The following TLN1 variants were observed in gnomAD, a reference collection of about 807,000 sequenced individuals.
TLN1 encodes talin-1.
A neutral mutation model predicts 292.3 loss-of-function variants in TLN1; 56 were observed. That is an observed-to-expected ratio of 0.19 (90% confidence interval 0.15 to 0.24). The LOEUF (loss-of-function observed/expected upper bound fraction) is 0.24. Ranked by LOEUF, TLN1 falls within the 10% of genes least tolerant of loss-of-function variation. The probability of loss-of-function intolerance (pLI) is 1.00; values close to 1 mark genes in which losing one functional copy is unlikely to be tolerated. For missense variants in TLN1, 2,433 were observed against 3,248.2 expected (o/e 0.75, Z 6.10); for synonymous variants, 1,119 against 1,253.7 (o/e 0.89, Z 2.27).
intron 10 of TLN1, among the ~76,000 whole-genome samples, chr9:35,721,302 C>G (rs1825874934): frequency 6.6e-6 from 1 of 152,174 alleles, no homozygotes; most frequent in South Asian, 2.1e-4. Context: ...AAGTTGATAT[C>G]AGTTTTCAAT....
rs1825796550 is a variant in TLN1 at position 35,717,004 on chromosome 9, G to A, written c.2458+142C>T. 3 of 870,690 alleles carry A rather than the reference G, an allele frequency of 3.4e-6. No homozygotes were observed. The highest frequency in any genetic ancestry group is 1.7e-5 in the African/African-American group (1 of 59,250). 53.9% of individuals were successfully genotyped at this position (870,690 alleles called of 1,614,324 possible). A position where few individuals can be genotyped will look rare whatever the true frequency, so the allele number is the denominator to read the frequency against. Reference sequence around the variant, plus strand: ...AGAGGGTTCAGAGAGCTTTAATGATGAGCCTATGGTTGTGTGGCTGGCAAG... The same window carrying A: ...AGAGGGTTCAGAGAGCTTTAATGATAAGCCTATGGTTGTGTGGCTGGCAAG... On this transcript the variant is annotated intron_variant, in intron 19 of 56. Coordinates refer to ENST00000314888, the MANE Select transcript of TLN1 (RefSeq NM_006289.4). This position sits in a 1 kb window ranked among gnomAD's most constrained non-coding sequence, Gnocchi z 4.7.
chr9:35,702,771 G>A (rs960762212), intron 48 of TLN1, among the ~76,000 whole-genome samples: 8 of 151,794 alleles, frequency 5.3e-5, no homozygotes, highest in Non-Finnish European at 1.0e-4. Flanking sequence ...GATTACACCC[G>A]CTGGCCTCCC....
chr9:35,727,147 C>G (rs573190379), intron 1 of TLN1, among the ~76,000 whole-genome samples: 1 of 152,290 alleles, frequency 6.6e-6, no homozygotes, highest in African/African-American at 2.4e-5. Flanking sequence ...TGATGTGCCC[C>G]TGCTTGGTAC....
chr9:35,721,023 C>T (rs1305820565), intron 10 of TLN1, 110 bp from the exon 11 acceptor site: 13 of 747,752 alleles, frequency 1.7e-5, no homozygotes, highest in Admixed American at 7.4e-5. Context: ...CCCGTGGCAA[C>T]GGCCCTCTTG....
rs1825708270 is a variant in TLN1 at position 35,713,191 on chromosome 9, C to T, written c.3352+5G>A. On this transcript the variant is annotated splice_donor_5th_base_variant and intron_variant, in intron 26 of 56. Coordinates refer to ENST00000314888, the MANE Select transcript of TLN1 (RefSeq NM_006289.4). ...TGCCCCATGCCTGGCTCTCTGCCCA[C>T]ATACCTGCATAATTCTCATTGCCCT... The T allele has an allele frequency of 6.3e-7, 1 of 1,590,694 alleles. No homozygotes were observed. Among genetic ancestry groups the T allele is most frequent in the South Asian group, 1.1e-5 (1 of 90,326 alleles).
intron 33 of TLN1, among the ~76,000 whole-genome samples, chr9:35,709,432 G>A (rs941304115): frequency 3.9e-5 from 6 of 152,230 alleles, no homozygotes; most frequent in Non-Finnish European, 7.3e-5. Flanking sequence ...AGGGAAAATA[G>A]TCTGAAGTGA....
rs775393589 is a variant in TLN1 at position 35,698,660 on chromosome 9, T to C, written c.7145A>G (p.Asn2382Ser). 5.0e-6 allele frequency: 8 copies of C among 1,614,088 alleles called. No individual in the cohort carries two copies. The highest frequency in any genetic ancestry group is 6.8e-6 in the Non-Finnish European group (8 of 1,180,028). Residue 2382 changes from asparagine (N) to serine (S), a missense_variant, in exon 54 of 57, where the codon AAT (asparagine) becomes AGT (serine). Asn to Ser is a conservative substitution (Grantham distance 46). This residue lies in a region of TLN1 where 141 missense variants were observed against 248.5 expected (regional missense o/e 0.57). Coordinates refer to ENST00000314888, the MANE Select transcript of TLN1 (RefSeq NM_006289.4). The surrounding 1 kb of genome is among the most constrained non-coding windows in gnomAD (Gnocchi z 5.3). ...AQGKVGAIPA[N>S]ALDDGQWSQG... ...GGACCACTGCCCATCGTCCAGTGCA[T>C]TGGCTGGAATGGCACCCACCTGTAG... is the stretch of plus-strand genomic sequence containing the variant.
At position 35,711,336 on chromosome 9, in the gene TLN1, C is replaced by G. The variant is rs750156961; in HGVS notation, c.3938G>C (p.Ser1313Thr). ...GGCCTTGGCAGCCAGAAGAAGTTTG[C>G]TTGAAGACATGGAGATGCCCTTCAA... ...SNLKGISMSS[S>T]KLLLAAKALS... Residue 1313 changes from serine (S) to threonine (T), a missense_variant, in exon 30 of 57, where the codon AGC (serine) becomes ACC (threonine). Around this residue, in one of 7 missense-constraint regions of TLN1, gnomAD observed 1,384 missense variants for 1,699.6 expected, o/e 0.81. Transcript: ENST00000314888. 6.2e-7 allele frequency: 1 copy of G among 1,614,154 alleles called. No individual in the cohort carries two copies. The highest frequency in any genetic ancestry group is 1.1e-5 in the South Asian group (1 of 91,084).
In TLN1 at chr9:35,704,688, G is replaced by A. The variant is rs878966751; in HGVS notation, c.5861C>T (p.Ala1954Val). Residue 1954 changes from alanine (A) to valine (V), a missense_variant, in exon 44 of 57, where the codon GCC (alanine) becomes GTC (valine). Around this residue, in one of 7 missense-constraint regions of TLN1, gnomAD observed 1,384 missense variants for 1,699.6 expected, o/e 0.81. Transcript: ENST00000314888. This position sits in a 1 kb window ranked among gnomAD's most constrained non-coding sequence, Gnocchi z 6.9. ...AYTKKELIEC[A>V]RRVSEKVSHV... Reference sequence around the variant, plus strand: ...CGTCACCTTCTCAGAGACTCTCCGGGCACACTCTATGAGCTCCTTCTTGGT... The same window carrying A: ...CGTCACCTTCTCAGAGACTCTCCGGACACACTCTATGAGCTCCTTCTTGGT... 6.8e-6 allele frequency: 11 copies of A among 1,613,968 alleles called. No individual in the cohort carries two copies. The highest frequency in any genetic ancestry group is 4.0e-5 in the African/African-American group (3 of 74,896).
At chr9:35,729,115 C>T (rs992571541) in intron 1 of TLN1, among the ~76,000 whole-genome samples, 1 of 152,196 alleles carries the variant, frequency 6.6e-6, no homozygotes, top group Non-Finnish European at 1.5e-5. Flanking sequence ...TTAATCCTTA[C>T]AGTAGGTGTC....
rs144019521 is a variant in TLN1 at position 35,707,387 on chromosome 9, G to A, written c.4734C>T (p.Asn1578=). 102 of 1,614,070 alleles carry A rather than the reference G, an allele frequency of 6.3e-5. No individual in the cohort carries two copies. Among genetic ancestry groups the A allele is most frequent in the Non-Finnish European group, 8.2e-5 (97 of 1,180,046 alleles). The change falls in exon 36 of 57, where the codon AAC becomes AAT. Residue 1578 remains asparagine (N), a synonymous_variant. Coordinates refer to ENST00000314888, the MANE Select transcript of TLN1 (RefSeq NM_006289.4). This position sits in a 1 kb window ranked among gnomAD's most constrained non-coding sequence, Gnocchi z 5.6. ...AVDNLSAFAS[N]PEFSSIPAQI... ...GGGCAGGAATGCTGGAGAACTCAGG[G>A]TTGGACGCAAAGGCACTCAGATTGT...
intron 11 of TLN1, 147 bp from the exon 12 acceptor site, chr9:35,720,656 G>C: frequency 9.9e-7 from 1 of 1,007,588 alleles, no homozygotes; most frequent in Non-Finnish European, 1.5e-6. Flanking sequence ...GACAAGAAAG[G>C]GCTCTGTCAC....
Position 35,712,904 on chromosome 9 carries a change from G to A in TLN1, c.3492C>T (p.Ser1164=). The part of the protein sequence containing the change: ...TASDVLDKAS[S]LIEEAKKAAG... Reference sequence around the variant, plus strand: ...CTGCCTTTTTCGCCTCCTCAATGAGGCTGCTGGCCTTGTCCAGCACATCAC... The same window carrying A: ...CTGCCTTTTTCGCCTCCTCAATGAGACTGCTGGCCTTGTCCAGCACATCAC... The change falls in exon 27 of 57, where the codon AGC becomes AGT. Residue 1164 remains serine (S), a synonymous_variant. Transcript: ENST00000314888. The A allele has an allele frequency of 6.2e-7, 1 of 1,604,550 alleles. No homozygotes were observed. Among genetic ancestry groups the A allele is most frequent in the Non-Finnish European group, 8.5e-7 (1 of 1,175,368 alleles).
chr9:35,729,932 C>T (rs1455621160), intron 1 of TLN1, among the ~76,000 whole-genome samples: 1 of 107,360 alleles, frequency 9.3e-6, no homozygotes, highest in East Asian at 2.1e-4. Context: ...TTAGTGACTG[C>T]ATCAGGCTGG....
At chr9:35,715,329 A>G in intron 20 of TLN1, 142 bp from the exon 21 acceptor site, 1 of 1,201,644 alleles carries the variant, frequency 8.3e-7, no homozygotes, top group Non-Finnish European at 1.1e-6. Flanking sequence ...AAAGGCAATC[A>G]CCTTTGAGAG....
intron 29 of TLN1, 49 bp downstream of exon 29, chr9:35,711,546 T>C (rs1364376932): frequency 6.2e-7 from 1 of 1,612,718 alleles, no homozygotes; most frequent in African/African-American, 1.3e-5. Context: ...CTGCCTCCTA[T>C]CTAACCCTTA....
intron 33 of TLN1, among the ~76,000 whole-genome samples, chr9:35,709,670 C>T (rs1052543716): frequency 3.3e-5 from 5 of 151,128 alleles, no homozygotes; most frequent in Non-Finnish European, 7.4e-5. Flanking sequence ...GGGCGGATCA[C>T]GAGGTCAGGA....
intron 3 of TLN1, 71 bp downstream of exon 3, chr9:35,725,153 G>A (rs1270566952): frequency 1.6e-5 from 25 of 1,572,864 alleles, no homozygotes; most frequent in Non-Finnish European, 2.1e-5. Flanking sequence ...TGTGGGTGCT[G>A]AAAACAGGAG....
At position 35,703,665 on chromosome 9, in the gene TLN1, G is replaced by A. The variant is rs1825507769; in HGVS notation, c.6369C>T (p.Thr2123=). ...QLKNSAKVMV[T]NVTSLLKTVK... ...CTGTCTTAAGCAATGATGTCACATT[G>A]GTCACCATCACCTGGAGGTATCAGA... The change falls in exon 48 of 57, where the codon ACC becomes ACT. Residue 2123 remains threonine, a synonymous_variant. Transcript: ENST00000314888. 1.2e-6 allele frequency: 2 copies of A among 1,614,150 alleles called. No homozygotes were observed.
Sources: allele counts gnomAD v4.1 joint callset (sites outside exome capture counted in the v4.1 genomes callset), GRCh38; gene constraint gnomAD v4.1.1; regional missense constraint gnomAD v4.1.1; non-coding constraint Gnocchi (gnomAD v3.1); transcripts MANE v1.5; gene names NCBI Gene and HGNC (gene_info 2026-07-23, HGNC 2026-07-21).